Variants in AMELX observed in about 807,000 individuals in gnomAD.
AMELX encodes the protein amelogenin, X isoform.
In AMELX, 9 loss-of-function variants were observed where a neutral mutation model predicts 15.8. That is an observed-to-expected ratio of 0.57 (90% CI 0.34 to 0.99). AMELX has a LOEUF of 0.99. Among genes scored for constraint, AMELX ranks in the 50% least tolerant of loss-of-function variants. The pLI is 0.02. For synonymous variants in AMELX, 61 were observed against 58.8 expected, an observed-to-expected ratio of 1.04 and a Z score of -0.17; for missense variants, 107 against 156.2, an observed-to-expected ratio of 0.68 and a Z score of 1.68.
chrX:11,307,765 G>A, the AMELX span, among the ~76,000 whole-genome samples: 2 of 112,017 alleles, frequency 1.8e-5, no homozygotes, highest in Non-Finnish European at 3.8e-5. Flanking sequence ...GGGATTTACT[G>A]CTTTTGTGGC....
At chrX:11,306,844 A>G in the AMELX span, among the ~76,000 whole-genome samples, 1 of 112,363 alleles carries the variant, frequency 8.9e-6, no homozygotes, top group Non-Finnish European at 1.9e-5. Context: ...CTGTAACTCA[A>G]AATGAAGAAT....
intron 3 of AMELX, among the ~76,000 whole-genome samples, chrX:11,297,041 T>A (rs1200397342): frequency 9.0e-6 from 1 of 111,535 alleles, no homozygotes; most frequent in Non-Finnish European, 1.9e-5. Flanking sequence ...ACTCAGTCTG[T>A]CCTCCTAAAT....
At chrX:11,293,666 G>A (rs1326687778) in intron 1 of AMELX, among the ~76,000 whole-genome samples, 198 bp downstream of exon 1, 1 of 111,794 alleles carries the variant, frequency 8.9e-6, no homozygotes, top group African/African-American at 3.2e-5. Context: ...CAAAGTGCTT[G>A]TCTAATTCCA....
the AMELX span, among the ~76,000 whole-genome samples, chrX:11,309,405 T>TCC: frequency 2.8e-5 from 3 of 108,746 alleles, no homozygotes; most frequent in African/African-American, 1.0e-4. Flanking sequence ...CCAGGCAGTC[T>TCC]CCCTGTCTGG....
downstream of AMELX, among the ~76,000 whole-genome samples, chrX:11,303,145 T>C (rs1326892138): frequency 8.9e-6 from 1 of 112,888 alleles, no homozygotes; most frequent in Non-Finnish European, 1.9e-5. Flanking sequence ...TAGCATTTAG[T>C]AGTACTCCAC....
chrX:11,309,475 C>T, the AMELX span, among the ~76,000 whole-genome samples: 1 of 110,771 alleles, frequency 9.0e-6, no homozygotes, highest in Non-Finnish European at 1.9e-5. Flanking sequence ...TCCTCTGAGT[C>T]AGACACCCTG....
At chrX:11,306,860 A>C in the AMELX span, among the ~76,000 whole-genome samples, 1 of 112,045 alleles carries the variant, frequency 8.9e-6, no homozygotes, top group Admixed American at 9.4e-5. Context: ...AGAATCCCTA[A>C]CTCATTAAAT....
In AMELX at chrX:11,300,456, G is replaced by A. The variant is rs746508249; in HGVS notation, c.571-151G>A. 9.2e-5 allele frequency: 43 copies of A among 467,297 alleles called. No individual in the cohort carries two copies. The Middle Eastern group carries it at 1.5e-3, about 17-fold the overall frequency. The allele number at this position is 467,297 out of a possible 1,213,427, so 38.5% of individuals were successfully genotyped here. On this transcript the variant is annotated intron_variant, in intron 5 of 5. Transcript: ENST00000380714. Reference sequence around the variant, plus strand: ...TGGACACCTAATATCTAATGACAACGAAATAACAAAGAAACTTCAGAAATT... The same window carrying A: ...TGGACACCTAATATCTAATGACAACAAAATAACAAAGAAACTTCAGAAATT...
At chrX:11,307,175 G>A in the AMELX span, among the ~76,000 whole-genome samples, 7 of 110,496 alleles carry the variant, frequency 6.3e-5, no homozygotes, top group Non-Finnish European at 1.3e-4. Flanking sequence ...CCAGGCCTTG[G>A]CCCTCCGCTA....
At chrX:11,299,428 C>A (rs6654939) in intron 5 of AMELX, among the ~76,000 whole-genome samples, 2 of 111,493 alleles carry the variant, frequency 1.8e-5, no homozygotes, top group Admixed American at 1.9e-4. Context: ...AAAAGGTAGA[C>A]GGGAAATCTC....
At chrX:11,296,004 C>T (rs771054226) in intron 2 of AMELX, among the ~76,000 whole-genome samples, 9 of 112,045 alleles carry the variant, frequency 8.0e-5, no homozygotes, top group Non-Finnish European at 1.7e-4. Flanking sequence ...TGATTCAGAT[C>T]ATCATTCAGG....
chrX:11,303,494 C>T (rs911790478), downstream of AMELX, among the ~76,000 whole-genome samples: 2 of 112,074 alleles, frequency 1.8e-5, no homozygotes, highest in Admixed American at 1.9e-4. Flanking sequence ...CTTGAATCCT[C>T]TATCACAAAA....
chrX:11,294,910 T>C, intron 2 of AMELX, 68 bp downstream of exon 2: 1 of 1,115,339 alleles, frequency 9.0e-7, no homozygotes, highest in Non-Finnish European at 1.2e-6. Flanking sequence ...AATCTGCTCA[T>C]AGTTGGTGAA....
the AMELX span, among the ~76,000 whole-genome samples, chrX:11,306,634 A>G: frequency 1.8e-5 from 2 of 112,599 alleles, no homozygotes; most frequent in Non-Finnish European, 3.7e-5. Context: ...TTTAAAACAC[A>G]CACACACTGC....
chrX:11,307,209 G>A, the AMELX span, among the ~76,000 whole-genome samples: 1 of 110,741 alleles, frequency 9.0e-6, no homozygotes, highest in African/African-American at 3.3e-5. Context: ...ACAGCCCACT[G>A]AACACACACT....
chrX:11,308,866 T>G, the AMELX span, among the ~76,000 whole-genome samples: 1 of 112,178 alleles, frequency 8.9e-6, no homozygotes, highest in African/African-American at 3.2e-5. Context: ...GCAGAAGAAA[T>G]GGTGGGTCCT....
chrX:11,296,679 G>A, intron 2 of AMELX, 100 bp from the exon 3 acceptor site: 1 of 962,313 alleles, frequency 1.0e-6, no homozygotes, highest in Admixed American at 2.3e-5. Context: ...CCTTTAATGT[G>A]AACAATTGCA....
At chrX:11,295,522 C>T (rs1332864436) in intron 2 of AMELX, among the ~76,000 whole-genome samples, 1 of 111,452 alleles carries the variant, frequency 9.0e-6, no homozygotes, top group South Asian at 3.8e-4. Context: ...GGGCAGAGAA[C>T]TTAGATCACA....
intron 3 of AMELX, among the ~76,000 whole-genome samples, 191 bp downstream of exon 3, chrX:11,297,017 G>C (rs1021535951): frequency 5.4e-5 from 6 of 111,095 alleles, no homozygotes; most frequent in African/African-American, 2.0e-4. Flanking sequence ...GCAGCCTCCC[G>C]CCTGGCCACT....
Sources: allele counts gnomAD v4.1 joint callset (sites outside exome capture counted in the v4.1 genomes callset), GRCh38; gene constraint gnomAD v4.1.1; transcripts MANE v1.5; gene names NCBI Gene and HGNC (gene_info 2026-07-23, HGNC 2026-07-21).